The following NEB variants were observed in gnomAD, a reference collection of about 807,000 sequenced individuals.
NEB encodes the protein nemaline myopathy type 2.
Under a neutral mutation model 952.2 loss-of-function variants are expected in NEB, and 512 were observed. That is an observed-to-expected ratio of 0.54 (90% CI 0.50 to 0.58). The LOEUF is 0.58. NEB is among the 20% of genes least tolerant of loss of function. The pLI, the probability that NEB is intolerant of heterozygous loss-of-function variation, is 0.00. For synonymous variants in NEB, 2,900 were observed against 3,149.8 expected (o/e 0.92, Z 2.66); for missense variants, 8,428 against 9,231.1 (o/e 0.91, Z 3.56).
chr2:151,566,639 A>ATCCTAGC (rs2096411580), intron 114 of NEB, among the ~76,000 whole-genome samples: 3 of 152,184 alleles, frequency 2.0e-5, no homozygotes, highest in Non-Finnish European at 4.4e-5. Flanking sequence ...CTTATTCTCT[A>ATCCTAGC]TCCTAGCTTT....
intron 167 of NEB, among the ~76,000 whole-genome samples, chr2:151,501,831 AGAG>A (rs1439337949): frequency 8.8e-5 from 13 of 146,950 alleles, no homozygotes; most frequent in Non-Finnish European, 4.6e-5. Flanking sequence ...AACCAAAGAA[AGAG>A]GAGAGAGAGA....
At chr2:151,659,988 C>T (rs1392827555) in intron 46 of NEB, among the ~76,000 whole-genome samples, 1 of 152,158 alleles carries the variant, frequency 6.6e-6, no homozygotes, top group Non-Finnish European at 1.5e-5. Flanking sequence ...TTGTGGTGGA[C>T]ATGGAGATGT....
rs557696314 is a variant in NEB, at chr2:151,492,055, C to T, written c.25057+43G>A. 25 of 1,584,538 alleles carry T rather than the reference C, an allele frequency of 1.6e-5. No individual in the cohort carries two copies. In the South Asian group the frequency reaches 2.7e-4, roughly 17 times the overall value. On this transcript the variant is annotated intron_variant, in intron 178 of 181. Transcript: ENST00000397345. ...AATGCTACTTTTGTTCTTCTACCCC[C>T]TCACTTAAAGTTAATCCCCTCCCCC... is the stretch of plus-strand genomic sequence containing the variant.
rs1453137566 is a variant in NEB, at chr2:151,567,366, C to T, written c.17958G>A (p.Glu5986=). 3 of 1,613,876 alleles carry T rather than the reference C, an allele frequency of 1.9e-6. No individual in the cohort carries two copies. Among genetic ancestry groups the T allele is most frequent in the Middle Eastern group, 1.6e-4 (1 of 6,062 alleles). Residue 5986 remains glutamate (E), a synonymous_variant, in exon 114 of 182, where the codon GAG becomes GAA. Coordinates refer to ENST00000397345, the MANE Select transcript of NEB (RefSeq NM_001164508.2). The part of the protein sequence containing the change: ...WFEHAGQIQN[E]RLYKEDYHKT... The stretch of plus-strand genomic sequence containing the variant: ...TGTGATAGTCCTCTTTGTATAGTCT[C>T]TCATTCTGAATCTGGCCTGCATGCT...
At position 151,628,685 on chromosome 2, in the gene NEB, A is replaced by G. The variant is rs547639762; in HGVS notation, c.9832-851T>C. ...GTGCAACGCTGTCTCTACTAAAAATACAAAAAATACTAAATACTAAAAAAA... is the reference window on the plus strand; with the variant it reads ...GTGCAACGCTGTCTCTACTAAAAATGCAAAAAATACTAAATACTAAAAAAA... On this transcript the variant is annotated intron_variant, in intron 68 of 181. Transcript: ENST00000397345. Among the ~76,000 whole-genome samples, 188 of 152,214 alleles carry G rather than the reference A, an allele frequency of 1.2e-3. 1 individual carries two copies. The highest frequency in any genetic ancestry group is 4.4e-3 in the African/African-American group (182 of 41,526).
At chr2:151,658,742 G>A (rs770248782) in intron 47 of NEB, among the ~76,000 whole-genome samples, 4 of 152,072 alleles carry the variant, frequency 2.6e-5, no homozygotes, top group Admixed American at 6.6e-5. Context: ...GTCTAAGAAC[G>A]AAATTCTAGG....
chr2:151,667,929 T>C lies in NEB; in HGVS notation c.4612-18A>G. 6.4e-7 allele frequency: 1 copy of C among 1,574,676 alleles called. No individual in the cohort carries two copies. The highest frequency in any genetic ancestry group is 8.7e-7 in the Non-Finnish European group (1 of 1,149,064). ...TAATGAGCCTTCAAAAAAGTAGAGG[T>C]TATTTTATTATTTGACATCATTAAA... On this transcript the variant is annotated intron_variant, in intron 39 of 181. Coordinates refer to ENST00000397345, the MANE Select transcript of NEB (RefSeq NM_001164508.2).
chr2:151,526,302 G>T (rs1310493642), intron 148 of NEB, 40 bp from the exon 149 acceptor site: 2 of 1,326,556 alleles, frequency 1.5e-6, no homozygotes, highest in Non-Finnish European at 2.1e-6. Flanking sequence ...TAGCTCTGCT[G>T]GATATCCTAC....
chr2:151,668,983 G>T (rs2154185429), intron 39 of NEB, 44 bp downstream of exon 39: 1 of 1,378,296 alleles, frequency 7.3e-7, no homozygotes, highest in Non-Finnish European at 1.0e-6. Context: ...AACCAGAAAG[G>T]AGAGGCCCGC....
In NEB at chr2:151,547,332, G is replaced by A. The variant is rs975814292; in HGVS notation, c.20367+97C>T. The A allele has an allele frequency of 4.4e-6, 4 of 909,702 alleles. No homozygotes were observed. In the African/African-American group the frequency reaches 5.0e-5, roughly 11 times the overall value. The allele number at this position is 909,702 out of a possible 1,614,324, so 56.4% of individuals were successfully genotyped here. On this transcript the variant is annotated intron_variant, in intron 133 of 181. Transcript: ENST00000397345. ...ACTCTTTGTTTAGAAGTGCTTATCA[G>A]AAAAGGCTGTTCAAAGACCACTGGT... is the stretch of plus-strand genomic sequence containing the variant.
At position 151,548,341 on chromosome 2, in the gene NEB, G is replaced by A. The variant is rs770523838; in HGVS notation, c.20124C>T (p.Val6708=). Residue 6708 remains valine, a synonymous_variant, in exon 131 of 182, where the codon GTC becomes GTT. Transcript: ENST00000397345. ...TAACATTGTTGACTCTCCGGACGTG[G>A]ACAAATGGAACATCTTTGGGGCCAA... The part of the protein sequence containing the change: ...YTLGPKDVPF[V]HVRRVNNVTS... 8 of 1,613,654 alleles carry A rather than the reference G, an allele frequency of 5.0e-6. No individual in the cohort carries two copies. The South Asian group carries it at 6.6e-5, about 13-fold the overall frequency.
chr2:151,704,652 G>A (rs1056962069), intron 13 of NEB, among the ~76,000 whole-genome samples: 8 of 152,116 alleles, frequency 5.3e-5, no homozygotes, highest in African/African-American at 1.9e-4. Flanking sequence ...CTTTCTTTGA[G>A]TCGGAAAGGT....
intron 106 of NEB, 51 bp downstream of exon 106, chr2:151,576,100 C>T: frequency 7.5e-7 from 1 of 1,334,820 alleles, no homozygotes; most frequent in Non-Finnish European, 1.0e-6. Flanking sequence ...TTTATTCTTT[C>T]TCATCTATTT....
At position 151,672,603 on chromosome 2, in the gene NEB, CAGCT is replaced by C; in HGVS notation, c.4061_4064del (p.Lys1354ArgfsTer5). ...GCTTTGCCACATTCATATAGTGGAC[CAGCT>C]TGGGATCATCCTGGAGGCTTCTGAA... On this transcript the variant is annotated frameshift_variant, in exon 37 of 182. Coordinates refer to ENST00000397345, the MANE Select transcript of NEB (RefSeq NM_001164508.2). LOFTEE classifies it high-confidence loss of function. 6.2e-7 allele frequency: 1 copy of C among 1,613,934 alleles called. No individual in the cohort carries two copies. Among genetic ancestry groups the C allele is most frequent in the Non-Finnish European group, 8.5e-7 (1 of 1,179,872 alleles).
At chr2:151,609,782 C>A (rs2097879024) in intron 81 of NEB, 27 bp downstream of exon 81, 1 of 1,545,848 alleles carries the variant, frequency 6.5e-7, no homozygotes, top group Non-Finnish European at 8.7e-7. Flanking sequence ...TTCCCCTTCC[C>A]CCTTTCCCAA....
intron 8 of NEB, 80 bp downstream of exon 8, chr2:151,724,180 C>G (rs2099783772): frequency 3.7e-6 from 4 of 1,082,506 alleles, no homozygotes; most frequent in South Asian, 2.8e-5. Context: ...TCCAGATGAT[C>G]AAGAGTTCAC....
chr2:151,558,230 CAG>C (rs1286876070), intron 124 of NEB, among the ~76,000 whole-genome samples: 1 of 152,078 alleles, frequency 6.6e-6, no homozygotes, highest in Non-Finnish European at 1.5e-5. Flanking sequence ...CAGTAAAAAA[CAG>C]AGAGCCAAAT....
rs1244661217 is a variant in NEB, at chr2:151,614,474, G to GTCAC, written c.11399_11402dup (p.Asp3801GlufsTer2). 1.2e-6 allele frequency: 2 copies of GTCAC among 1,613,822 alleles called. No individual in the cohort carries two copies. The highest frequency in any genetic ancestry group is 1.7e-6 in the Non-Finnish European group (2 of 1,179,834). On this transcript the variant is annotated stop_gained and frameshift_variant, in exon 77 of 182. Coordinates refer to ENST00000397345, the MANE Select transcript of NEB (RefSeq NM_001164508.2). LOFTEE classifies it high-confidence loss of function. ...TCTCAAACTCCTTCTTGTACTCCCT[G>GTCAC]TCACTCTGGATCTTGGCCACATGGA...
At chr2:151,561,931 T>C (rs151150876) in intron 121 of NEB, among the ~76,000 whole-genome samples, 179 bp downstream of exon 121, 1 of 152,278 alleles carries the variant, frequency 6.6e-6, no homozygotes, top group Non-Finnish European at 1.5e-5. Flanking sequence ...AGACTCAGAC[T>C]GGGAAGATCC....
Sources: gnomAD v4.1 joint callset for allele counts (sites outside exome capture counted in the v4.1 genomes callset) on GRCh38, gnomAD v4.1.1 for gene constraint, MANE v1.5 for transcripts, NCBI Gene and HGNC (gene_info 2026-07-23, HGNC 2026-07-21) for gene names.